Variants in LLGL2 observed in about 807,000 individuals in gnomAD.
LLGL2 encodes the protein LLGL scribble cell polarity complex component 2, also known as LLGL2, scribble cell polarity complex component.
Under a neutral mutation model 123.2 loss-of-function variants are expected in LLGL2, and 81 were observed. The observed-to-expected ratio is 0.66, with a 90% confidence interval of 0.55 to 0.79. The LOEUF (loss-of-function observed/expected upper bound fraction) is 0.79. Ranked by LOEUF, LLGL2 falls within the 30% of genes least tolerant of loss-of-function variation. The pLI, the probability that LLGL2 is intolerant of heterozygous loss-of-function variation, is 0.00. For missense variants in LLGL2, 1,273 were observed against 1,414.6 expected, an observed-to-expected ratio of 0.90 and a Z score of 1.61; for synonymous variants, 577 against 594.1, an observed-to-expected ratio of 0.97 and a Z score of 0.42.
At chr17:75,542,730 AGGGGAG>A (rs1289565418) in intron 1 of LLGL2, 1 of 152,332 alleles carries the variant, frequency 6.6e-6, no homozygotes, top group African/African-American at 2.4e-5. Context: ...AGCCAGAGAG[AGGGGAG>A]GGGACCGGCA....
chr17:75,531,313 A>G (rs1054890644), intron 1 of LLGL2, among the ~76,000 whole-genome samples: 4 of 152,164 alleles, frequency 2.6e-5, no homozygotes, highest in African/African-American at 9.7e-5. Flanking sequence ...CTCTGGCAAG[A>G]GCCTCCAGGA....
chr17:75,574,376 C>T (rs1277379676), intron 23 of LLGL2, 77 bp from the exon 24 acceptor site: 30 of 1,536,036 alleles, frequency 2.0e-5, no homozygotes, highest in African/African-American at 6.9e-5. Context: ...TGGGCACCCA[C>T]GGAGAAAGGG....
intron 2 of LLGL2, 128 bp from the exon 3 acceptor site, chr17:75,555,918 T>C: frequency 1.5e-6 from 1 of 679,762 alleles, no homozygotes; most frequent in Non-Finnish European, 2.6e-6. Flanking sequence ...CACTCAGGTG[T>C]CTGGGAGGAA....
In LLGL2 at chr17:75,571,973, C is replaced by T. The variant is rs1034603645; in HGVS notation, c.2369C>T (p.Pro790Leu). The change falls in exon 19 of 26, where the codon CCC (proline) becomes CTC (leucine). Residue 790 changes from proline to leucine, a missense_variant. By Grantham distance (98) the Pro-to-Leu change is moderately conservative. Coordinates refer to ENST00000392550, the MANE Select transcript of LLGL2 (RefSeq NM_001031803.2). ...LVLDGHSVPL[P>L]EPLEVAHDLS... ...CTCGACGGACACAGCGTACCCCTTC[C>T]CGAGCCCCTCGAAGTGGCCCATGAT... 2 of 1,612,980 alleles carry T rather than the reference C, an allele frequency of 1.2e-6. No homozygotes were observed.
At chr17:75,555,990 A>G (rs956383404) in intron 2 of LLGL2, 56 bp from the exon 3 acceptor site, 7 of 1,383,106 alleles carry the variant, frequency 5.1e-6, no homozygotes, top group African/African-American at 4.3e-5. Flanking sequence ...TGCAGCAGCC[A>G]TGGTGGCGCG....
At chr17:75,543,569 G>C in intron 2 of LLGL2, 68 bp downstream of exon 2, 5 of 1,299,914 alleles carry the variant, frequency 3.8e-6, no homozygotes, top group Non-Finnish European at 5.5e-6. Flanking sequence ...TGGGGCTGAG[G>C]CACCTCTTAC....
rs779071525 is a variant in LLGL2 at position 75,570,485 on chromosome 17, G to T, written c.2012G>T (p.Gly671Val). The T allele has an allele frequency of 6.3e-7, 1 of 1,575,278 alleles. No homozygotes were observed. The highest frequency in any genetic ancestry group is 8.6e-7 in the Non-Finnish European group (1 of 1,161,700). The change falls in exon 16 of 26, where the codon GGC becomes GTC. Residue 671 changes from glycine (G) to valine (V), a missense_variant. Gly to Val is a moderately radical substitution (Grantham distance 109). Coordinates refer to ENST00000392550, the MANE Select transcript of LLGL2 (RefSeq NM_001031803.2). ...RVSSRKRHPA[G>V]PPGEAQEGSA... ...TCCAGCCGGAAGCGGCACCCGGCTG[G>T]CCCCCCAGGAGAGGTGAGGCCTGAG...
At chr17:75,571,590 G>C in intron 17 of LLGL2, 77 bp from the exon 18 acceptor site, 1 of 1,079,268 alleles carries the variant, frequency 9.3e-7, no homozygotes, top group South Asian at 1.3e-5. Context: ...GGGAAAACCT[G>C]GGAGTAAACC....
chr17:75,531,873 A>G (rs1299862646), intron 1 of LLGL2, among the ~76,000 whole-genome samples: 1 of 152,118 alleles, frequency 6.6e-6, no homozygotes, highest in Non-Finnish European at 1.5e-5. Context: ...TTCTTGAGCT[A>G]GGAGAGGCTG....
At chr17:75,534,425 C>T (rs2053926813) in intron 1 of LLGL2, among the ~76,000 whole-genome samples, 1 of 152,186 alleles carries the variant, frequency 6.6e-6, no homozygotes, top group African/African-American at 2.4e-5. Context: ...GGGAGAGAGG[C>T]CTGACCTGAG....
At chr17:75,532,261 T>C (rs541914284) in intron 1 of LLGL2, among the ~76,000 whole-genome samples, 2 of 151,490 alleles carry the variant, frequency 1.3e-5, no homozygotes, top group African/African-American at 4.8e-5. Context: ...TAATTTTTTG[T>C]TTGTTTTGAG....
intron 1 of LLGL2, among the ~76,000 whole-genome samples, chr17:75,541,626 G>T (rs530831020): frequency 1.3e-5 from 2 of 151,778 alleles, no homozygotes; most frequent in African/African-American, 4.8e-5. Context: ...TCCCCAGAAG[G>T]TGACAGCGCT....
chr17:75,550,062 G>C (rs72859227), intron 2 of LLGL2, among the ~76,000 whole-genome samples: 3 of 152,168 alleles, frequency 2.0e-5, no homozygotes, highest in Admixed American at 1.3e-4. Flanking sequence ...GCTGGATGCC[G>C]CGCTTCGGAG....
rs868474129 is a variant in LLGL2, at chr17:75,555,310, G to A, written c.76-736G>A. 2.8e-3 allele frequency among the ~76,000 whole-genome samples: 403 copies of A among 142,730 alleles called. 3 individuals carry two copies. Among genetic ancestry groups the A allele is most frequent in the African/African-American group, 9.9e-3 (377 of 37,992 alleles). The allele number at this position is 142,730 out of a possible 152,430, so 93.6% of individuals were successfully genotyped here. A position where few individuals can be genotyped will look rare whatever the true frequency, so the allele number is the denominator to read the frequency against. ...TTGTTCTTTTTTTTTTTTTTTTTGA[G>A]ACGGAGTCTCGCTCTGTCGCCCAGG... On this transcript the variant is annotated intron_variant, in intron 2 of 25. Transcript: ENST00000392550.
At chr17:75,574,166 C>G in intron 22 of LLGL2, 47 bp from the exon 23 acceptor site, 1 of 1,518,534 alleles carries the variant, frequency 6.6e-7, no homozygotes, top group South Asian at 1.3e-5. Flanking sequence ...AGAGCCAGGC[C>G]GAGGAGGGCC....
intron 2 of LLGL2, among the ~76,000 whole-genome samples, chr17:75,547,208 G>C (rs992744436): frequency 9.8e-5 from 15 of 152,310 alleles, no homozygotes; most frequent in Middle Eastern, 3.4e-3. Flanking sequence ...TGTTTCTTTG[G>C]CTTCAGTACT....
rs368567805 is a variant in LLGL2, at chr17:75,556,048, G to A, written c.78G>A (p.Thr26=). The change falls in exon 3 of 26, where the codon ACG becomes ACA. Residue 26 remains threonine (T), a splice_region_variant and synonymous_variant. Transcript: ENST00000392550. ...LKRDLFQFNK[T]VEHGFPHQPS... ...ACCCCACGTGCTTCTCGTTGCAGAC[G>A]GTGGAGCATGGCTTCCCGCACCAGC... The A allele has an allele frequency of 4.5e-5, 73 of 1,608,208 alleles. No homozygotes were observed. The African/African-American group carries it at 5.6e-4, about 12-fold the overall frequency.
chr17:75,558,256 A>G lies in LLGL2; in HGVS notation c.255+20A>G, dbSNP rs1178458625. 1 of 1,602,390 alleles carries G rather than the reference A, an allele frequency of 6.2e-7. No homozygotes were observed. Among genetic ancestry groups the G allele is most frequent in the South Asian group, 1.1e-5 (1 of 90,936 alleles). On this transcript the variant is annotated intron_variant, in intron 4 of 25. Transcript: ENST00000392550. This position sits in a 1 kb window ranked among gnomAD's most constrained non-coding sequence, Gnocchi z 4.0. ...GGCCAGGTGAGGGACCTGGGGTGGGACAGGAAGCCACTTCCATGCCCTCCT... is the reference window on the plus strand; with the variant it reads ...GGCCAGGTGAGGGACCTGGGGTGGGGCAGGAAGCCACTTCCATGCCCTCCT...
chr17:75,575,203 C>CCTG lies in LLGL2; in HGVS notation c.*325_*326insCTG. 2.0e-6 allele frequency: 1 copy of CCTG among 500,246 alleles called. No individual in the cohort carries two copies. The highest frequency in any genetic ancestry group is 3.6e-6 in the Non-Finnish European group (1 of 279,598). 31.0% of individuals were successfully genotyped at this position (500,246 alleles called of 1,614,324 possible). On this transcript the variant is annotated 3_prime_UTR_variant, in exon 26 of 26. Transcript: ENST00000392550. ...AAAGTTTTTAATAAACACCTATTAC[C>CCTG]TCTTGACTGGTCCACTACTTTAATA...
Sources: allele counts gnomAD v4.1 joint callset (sites outside exome capture counted in the v4.1 genomes callset), GRCh38; gene constraint gnomAD v4.1.1; non-coding constraint Gnocchi (gnomAD v3.1); transcripts MANE v1.5; gene names NCBI Gene and HGNC (gene_info 2026-07-23, HGNC 2026-07-21).